RBMS3: variants seen among roughly 807,000 people sequenced by gnomAD.
The protein encoded by RBMS3 is RNA binding motif single stranded interacting protein 3, also known as RNA-binding motif, single-stranded-interacting protein 3.
Under a neutral mutation model 66.8 loss-of-function variants are expected in RBMS3, and 27 were observed. That is an observed-to-expected ratio of 0.40 (90% CI 0.30 to 0.56). RBMS3 has a LOEUF of 0.56. Ranked by LOEUF, RBMS3 falls within the 20% of genes least tolerant of loss-of-function variation. The pLI is 0.40. For synonymous variants in RBMS3, 188 were observed against 183.0 expected (o/e 1.03, Z -0.22); for missense variants, 513 against 549.5 (o/e 0.93, Z 0.66).
At chr3:30,000,416 T>C (rs576746318) in intron 14 of RBMS3, among the ~76,000 whole-genome samples, 12 of 152,214 alleles carry the variant, frequency 7.9e-5, no homozygotes, top group Admixed American at 1.3e-4. Flanking sequence ...TATGGAGAAA[T>C]AGGAATACTT....
At chr3:29,774,299 A>G (rs2056341312) in intron 6 of RBMS3, among the ~76,000 whole-genome samples, 1 of 152,030 alleles carries the variant, frequency 6.6e-6, no homozygotes, top group Non-Finnish European at 1.5e-5. Flanking sequence ...AAAGGGATAC[A>G]CCATTTAAAT....
chr3:29,336,017 C>T (rs770933773), intron 1 of RBMS3, among the ~76,000 whole-genome samples: 2 of 152,096 alleles, frequency 1.3e-5, no homozygotes, highest in African/African-American at 2.4e-5. Context: ...TCAGCCTTTC[C>T]GGTTTTTCTT....
At chr3:29,549,763 G>C (rs917324128) in intron 3 of RBMS3, among the ~76,000 whole-genome samples, 1 of 152,006 alleles carries the variant, frequency 6.6e-6, no homozygotes, top group African/African-American at 2.4e-5. Context: ...TGCTTAACAA[G>C]GCTGGCAGCT....
intron 12 of RBMS3, among the ~76,000 whole-genome samples, chr3:29,973,395 C>G (rs1697347604): frequency 6.6e-6 from 1 of 151,832 alleles, no homozygotes; most frequent in Non-Finnish European, 1.5e-5. Flanking sequence ...ATAAATAATA[C>G]CTAAAATTAA....
At chr3:29,877,411 T>C (rs2059634611) in intron 7 of RBMS3, among the ~76,000 whole-genome samples, 1 of 152,114 alleles carries the variant, frequency 6.6e-6, no homozygotes, top group African/African-American at 2.4e-5. Context: ...ATGATGCAAA[T>C]GAATGTAATT....
chr3:29,966,988 A>T (rs1361260276), intron 12 of RBMS3, among the ~76,000 whole-genome samples: 2 of 152,228 alleles, frequency 1.3e-5, no homozygotes, highest in Non-Finnish European at 2.9e-5. Flanking sequence ...GTGGTGTATC[A>T]CACTTATTGA....
At chr3:29,396,164 G>A (rs1223784602) in intron 1 of RBMS3, among the ~76,000 whole-genome samples, 3 of 152,088 alleles carry the variant, frequency 2.0e-5, no homozygotes, top group Non-Finnish European at 4.4e-5. Flanking sequence ...GATTCTCTGA[G>A]AAGGACATAA....
chr3:29,917,854 G>A (rs911293923), intron 10 of RBMS3, among the ~76,000 whole-genome samples: 1 of 152,094 alleles, frequency 6.6e-6, no homozygotes, highest in African/African-American at 2.4e-5. Context: ...CCAGGCATCA[G>A]CAAGAAGTTC....
At chr3:29,563,279 T>C (rs2046620398) in intron 3 of RBMS3, among the ~76,000 whole-genome samples, 1 of 152,248 alleles carries the variant, frequency 6.6e-6, no homozygotes, top group African/African-American at 2.4e-5. Flanking sequence ...TTGAAAGATG[T>C]AGAAGAAGAA....
intron 1 of RBMS3, among the ~76,000 whole-genome samples, chr3:29,294,737 A>T (rs1053895225): frequency 6.6e-6 from 1 of 151,706 alleles, no homozygotes; most frequent in Non-Finnish European, 1.5e-5. Flanking sequence ...AGCTTGAAGA[A>T]CTAGGAGATG....
At chr3:29,773,466 A>G (rs964099679) in intron 6 of RBMS3, among the ~76,000 whole-genome samples, 2 of 152,100 alleles carry the variant, frequency 1.3e-5, no homozygotes, top group African/African-American at 2.4e-5. Context: ...ATGAAAACAT[A>G]ACCATTTTCT....
chr3:29,685,455 T>C (rs1297878299), intron 4 of RBMS3, among the ~76,000 whole-genome samples: 2 of 152,212 alleles, frequency 1.3e-5, no homozygotes, highest in Admixed American at 6.5e-5. Context: ...CTCAAGTTGC[T>C]ATTTAAGCTC....
chr3:29,948,400 C>T (rs1695463315), intron 12 of RBMS3, among the ~76,000 whole-genome samples: 1 of 151,752 alleles, frequency 6.6e-6, no homozygotes, highest in African/African-American at 2.4e-5. Context: ...TCTTATGCTG[C>T]ATCTTAGGTG....
At chr3:29,621,454 G>A (rs1473680443) in intron 4 of RBMS3, among the ~76,000 whole-genome samples, 1 of 152,140 alleles carries the variant, frequency 6.6e-6, no homozygotes, top group Non-Finnish European at 1.5e-5. Context: ...GACTATCAGG[G>A]ACTCTGCAGA....
chr3:29,951,715 C>A (rs1184074115), intron 12 of RBMS3, among the ~76,000 whole-genome samples: 1 of 151,330 alleles, frequency 6.6e-6, no homozygotes, highest in Non-Finnish European at 1.5e-5. Context: ...AAATAGTTTC[C>A]AAACTCAATA....
chr3:29,631,528 G>A (rs1372772821), intron 4 of RBMS3, among the ~76,000 whole-genome samples: 1 of 151,712 alleles, frequency 6.6e-6, no homozygotes, highest in African/African-American at 2.4e-5. Flanking sequence ...TTTTTCAATA[G>A]TTTTAGAATA....
chr3:29,677,880 C>T (rs1417260534), intron 4 of RBMS3, among the ~76,000 whole-genome samples: 1 of 152,146 alleles, frequency 6.6e-6, no homozygotes, highest in Non-Finnish European at 1.5e-5. Context: ...TGAATTTTAA[C>T]TAGGATTCTG....
intron 3 of RBMS3, among the ~76,000 whole-genome samples, chr3:29,582,195 T>TAGAC (rs1553625660): frequency 6.6e-6 from 1 of 150,524 alleles, no homozygotes; most frequent in Non-Finnish European, 1.5e-5. Flanking sequence ...GATAGATAGA[T>TAGAC]ACACACACAC....
In RBMS3 at chr3:29,718,880, G is replaced by C. The variant is rs925271299; in HGVS notation, c.400-20840G>C. 2.6e-5 allele frequency among the ~76,000 whole-genome samples: 4 copies of C among 152,164 alleles called. No individual in the cohort carries two copies. The East Asian group carries it at 5.8e-4, about 22-fold the overall frequency. ...TATCCCTGGATACATTTCCAAGTCA[G>C]TACATGCACACATTCTTTTTGTTTT... On this transcript the variant is annotated intron_variant, in intron 4 of 14. Transcript: ENST00000383767.
Sources: gnomAD v4.1 joint callset for allele counts (sites outside exome capture counted in the v4.1 genomes callset) on GRCh38, gnomAD v4.1.1 for gene constraint, MANE v1.5 for transcripts, NCBI Gene and HGNC (gene_info 2026-07-23, HGNC 2026-07-21) for gene names.